The following ANK1 variants were observed in gnomAD, a reference collection of about 807,000 sequenced individuals.
ANK1 encodes ankyrin-1.
In ANK1, 51 loss-of-function variants were observed where a neutral mutation model predicts 210.4. The observed-to-expected ratio is 0.24, with a 90% CI of 0.19 to 0.31. The LOEUF (loss-of-function observed/expected upper bound fraction) is 0.31. ANK1 is among the 10% of genes least tolerant of loss of function. The probability of loss-of-function intolerance (pLI) is 1.00; values close to 1 mark genes in which losing one functional copy is unlikely to be tolerated. For missense variants in ANK1, 2,051 were observed against 2,504.4 expected (o/e 0.82, Z 3.86); for synonymous variants, 967 against 1,025.9 (o/e 0.94, Z 1.10).
Position 41,695,348 on chromosome 8 carries a change from G to C in ANK1, c.2961-17C>G. The C allele has an allele frequency of 6.2e-7, 1 of 1,613,730 alleles. No individual in the cohort carries two copies. On this transcript the variant is annotated splice_polypyrimidine_tract_variant and intron_variant, in intron 26 of 42. Transcript: ENST00000289734. The stretch of plus-strand genomic sequence containing the variant: ...ATTACAGGGCTGAGGCAAGGACACA[G>C]TGGTGGTGGGGAGGTGCTCATACAA...
At chr8:41,790,129 C>T (rs1014933077) in intron 1 of ANK1, among the ~76,000 whole-genome samples, 80 of 151,944 alleles carry the variant, frequency 5.3e-4, no homozygotes, top group African/African-American at 1.8e-3. Flanking sequence ...GGTATCTGAC[C>T]ACTTGGAAAG....
At chr8:41,712,189 T>G (rs974342387) in intron 16 of ANK1, among the ~76,000 whole-genome samples, 3 of 152,270 alleles carry the variant, frequency 2.0e-5, no homozygotes, top group African/African-American at 7.2e-5. Flanking sequence ...CCTCCCAAAG[T>G]GCTGGGATTA....
intron 20 of ANK1, among the ~76,000 whole-genome samples, chr8:41,703,450 A>ATATATATATATATATATATAT (rs59985416): frequency 1.4e-4 from 8 of 58,814 alleles, no homozygotes; most frequent in African/African-American, 2.7e-4. Flanking sequence ...ATATATATAT[A>ATATATATATATATATATATAT]TTTTTTTTTT....
At position 41,724,647 on chromosome 8, in the gene ANK1, C is replaced by G. The variant is rs548846545; in HGVS notation, c.613-93G>C. On this transcript the variant is annotated intron_variant, in intron 6 of 42. Coordinates refer to ENST00000289734, the MANE Select transcript of ANK1 (RefSeq NM_000037.4). ...GATGCAGGAAACTCAGGTGGGGCAA[C>G]AGGACTTTACAGACAAAGGAGATTT... 8 of 1,123,984 alleles carry G rather than the reference C, an allele frequency of 7.1e-6. No individual in the cohort carries two copies. In the African/African-American group the frequency reaches 1.2e-4, roughly 17 times the overall value. The allele number at this position is 1,123,984 out of a possible 1,614,324, so 69.6% of individuals were successfully genotyped here.
At chr8:41,718,777 C>T (rs1192008122) in intron 10 of ANK1, among the ~76,000 whole-genome samples, 2 of 152,266 alleles carry the variant, frequency 1.3e-5, no homozygotes, top group East Asian at 3.9e-4. Flanking sequence ...GTGGCAATGT[C>T]TGGGGACATT....
At chr8:41,851,242 C>T (rs1160384025) in intron 1 of ANK1, among the ~76,000 whole-genome samples, 1 of 152,234 alleles carries the variant, frequency 6.6e-6, no homozygotes, top group East Asian at 1.9e-4. Flanking sequence ...CTTCGTCTGT[C>T]TCTTCTTTCT....
chr8:41,699,664 G>T (rs1372142513), intron 22 of ANK1, 116 bp from the exon 23 acceptor site: 2 of 934,448 alleles, frequency 2.1e-6, no homozygotes, highest in Non-Finnish European at 3.4e-6. Context: ...GAGTGGGGAA[G>T]GTCTTGATGC....
At chr8:41,669,603 T>TTGCAGTGGGCA (rs1159286161) in intron 38 of ANK1, among the ~76,000 whole-genome samples, 1 of 152,154 alleles carries the variant, frequency 6.6e-6, no homozygotes, top group African/African-American at 2.4e-5. Context: ...CTGCCATCCC[T>TTGCAGTGGGCA]GGTATCTTCA....
intron 1 of ANK1, among the ~76,000 whole-genome samples, chr8:41,793,075 C>T (rs181109042): frequency 6.6e-6 from 1 of 152,268 alleles, no homozygotes; most frequent in Admixed American, 6.5e-5. Flanking sequence ...TGTGGGAGTT[C>T]TGAATAAGAA....
intron 1 of ANK1, among the ~76,000 whole-genome samples, chr8:41,773,779 T>TC (rs899497234): frequency 6.6e-6 from 1 of 152,008 alleles, no homozygotes; most frequent in African/African-American, 2.4e-5. Context: ...AACAGGAAGA[T>TC]CCAAGGAAAG....
At chr8:41,878,229 C>G (rs1361444595) in intron 1 of ANK1, among the ~76,000 whole-genome samples, 3 of 152,198 alleles carry the variant, frequency 2.0e-5, no homozygotes, top group Non-Finnish European at 4.4e-5. Flanking sequence ...CCTAGCTACC[C>G]TACCGGGAAG....
chr8:41,723,574 C>G lies in ANK1; in HGVS notation c.771G>C (p.Leu257=). ...SRRGNVIMVR[L]LLDRGAQIET... The stretch of plus-strand genomic sequence containing the variant: ...CTATCTGGGCTCCCCGATCCAGCAG[C>G]AGCCGCACCATGATCACGTTGCCCC... Residue 257 remains leucine (L), a synonymous_variant, in exon 8 of 43, where the codon CTG becomes CTC. Transcript: ENST00000289734. The G allele has an allele frequency of 6.2e-7, 1 of 1,614,048 alleles. No individual in the cohort carries two copies.
chr8:41,754,450 C>G (rs1488620105), intron 2 of ANK1, among the ~76,000 whole-genome samples: 1 of 152,168 alleles, frequency 6.6e-6, no homozygotes, highest in Non-Finnish European at 1.5e-5. Flanking sequence ...CCTCTTTCCA[C>G]GCTACTTAGA....
At chr8:41,819,486 A>G (rs187589288) in intron 1 of ANK1, among the ~76,000 whole-genome samples, 154 of 152,348 alleles carry the variant, frequency 1.0e-3, no homozygotes, top group Middle Eastern at 3.4e-3. Context: ...TGGAAGGGAT[A>G]GTGTTTGTGA....
intron 20 of ANK1, among the ~76,000 whole-genome samples, chr8:41,703,691 A>G (rs908297047): frequency 2.6e-5 from 4 of 151,460 alleles, no homozygotes; most frequent in African/African-American, 7.3e-5. Context: ...GGCACTCACT[A>G]TGTTGCCCAC....
intron 1 of ANK1, among the ~76,000 whole-genome samples, chr8:41,810,137 T>G (rs1802268422): frequency 6.6e-6 from 1 of 152,222 alleles, no homozygotes; most frequent in Non-Finnish European, 1.5e-5. Context: ...AACATCCTGC[T>G]GAAGGGTCAT....
At chr8:41,785,185 T>C (rs1402983411) in intron 1 of ANK1, among the ~76,000 whole-genome samples, 1 of 152,060 alleles carries the variant, frequency 6.6e-6, no homozygotes, top group East Asian at 1.9e-4. Context: ...CATCAAGACC[T>C]CTTCTCTACA....
At chr8:41,838,831 C>A (rs1346123507) in intron 1 of ANK1, among the ~76,000 whole-genome samples, 3 of 149,758 alleles carry the variant, frequency 2.0e-5, no homozygotes, top group Non-Finnish European at 2.9e-5. Flanking sequence ...AATCCTAACA[C>A]TTTGGGAGGC....
intron 41 of ANK1, 87 bp downstream of exon 41, chr8:41,661,789 G>A: frequency 6.2e-7 from 1 of 1,613,378 alleles, no homozygotes; most frequent in South Asian, 1.1e-5. Context: ...AGGGCCGCGG[G>A]CGCCTCAGTA....
Sources: gnomAD v4.1 joint callset for allele counts (sites outside exome capture counted in the v4.1 genomes callset) on GRCh38, gnomAD v4.1.1 for gene constraint, MANE v1.5 for transcripts, NCBI Gene and HGNC (gene_info 2026-07-23, HGNC 2026-07-21) for gene names.